TMCO5A: variants seen among roughly 807,000 people sequenced by gnomAD.
TMCO5A encodes the protein transmembrane and coiled-coil domain-containing protein 5A.
In TMCO5A, 34 loss-of-function variants were observed where a neutral mutation model predicts 42.3. The ratio of observed to expected loss-of-function variants is 0.80; its 90% CI spans 0.61 to 1.07. The LOEUF (loss-of-function observed/expected upper bound fraction) is 1.07. TMCO5A is among the 50% of genes least tolerant of loss of function. The pLI, the probability that TMCO5A is intolerant of heterozygous loss-of-function variation, is 0.00. For synonymous variants in TMCO5A, 131 were observed against 115.6 expected (o/e 1.13, Z -0.86); for missense variants, 357 against 327.9 (o/e 1.09, Z -0.69).
downstream of TMCO5A, among the ~76,000 whole-genome samples, chr15:37,956,221 C>T (rs1200144037): frequency 6.6e-6 from 1 of 152,000 alleles, no homozygotes; most frequent in African/African-American, 2.4e-5. Flanking sequence ...CAAAAGCTAG[C>T]AGAAGGCAAG....
chr15:38,001,579 C>A, the TMCO5A span, among the ~76,000 whole-genome samples: 170 of 151,392 alleles, frequency 1.1e-3, no homozygotes, highest in African/African-American at 3.7e-3. Flanking sequence ...TTGTGGTCTT[C>A]TCTTCCTTCT....
At chr15:38,005,153 C>A in the TMCO5A span, among the ~76,000 whole-genome samples, 10 of 151,522 alleles carry the variant, frequency 6.6e-5, no homozygotes, top group South Asian at 6.3e-4. Context: ...TCTTAATCAA[C>A]CTTTATTCCT....
intron 6 of TMCO5A, 50 bp downstream of exon 6, chr15:37,938,279 ACAAG>A: frequency 1.4e-6 from 2 of 1,438,160 alleles, no homozygotes. Context: ...TAACCAGGAA[ACAAG>A]CTGTTAAGTT....
chr15:37,973,945 T>C, the TMCO5A span, among the ~76,000 whole-genome samples: 3 of 152,188 alleles, frequency 2.0e-5, no homozygotes, highest in African/African-American at 4.8e-5. Context: ...CTTCATTGCC[T>C]AGTGTATCAA....
chr15:37,953,031 C>T (rs776567606), downstream of TMCO5A, among the ~76,000 whole-genome samples: 1 of 152,152 alleles, frequency 6.6e-6, no homozygotes, highest in Non-Finnish European at 1.5e-5. Flanking sequence ...GGTTTGAATG[C>T]TACCTTATCT....
At chr15:37,981,057 C>T in the TMCO5A span, among the ~76,000 whole-genome samples, 7 of 152,046 alleles carry the variant, frequency 4.6e-5, no homozygotes, top group South Asian at 8.3e-4. Flanking sequence ...CCACTGCCAG[C>T]TTAAAATCCA....
At chr15:38,038,099 C>T in the TMCO5A span, among the ~76,000 whole-genome samples, 65 of 152,066 alleles carry the variant, frequency 4.3e-4, no homozygotes, top group Non-Finnish European at 9.0e-4. Context: ...CCTCACCATC[C>T]TATTTGCTCC....
chr15:37,984,986 A>T, the TMCO5A span, among the ~76,000 whole-genome samples: 1 of 151,896 alleles, frequency 6.6e-6, no homozygotes, highest in South Asian at 2.1e-4. Flanking sequence ...AGATAAACAA[A>T]TAGCCATTAG....
the TMCO5A span, among the ~76,000 whole-genome samples, chr15:38,012,102 T>C: frequency 0.72 from 108,317 of 151,358 alleles, 39,798 homozygotes; most frequent in African/African-American, 0.87. Flanking sequence ...CCACCCTAGG[T>C]GACAGAGCGA....
At chr15:37,947,362 T>A (rs12442232) in intron 10 of TMCO5A, among the ~76,000 whole-genome samples, 42,228 of 151,832 alleles carry the variant, frequency 0.28, 6,755 homozygotes, top group African/African-American at 0.42. Flanking sequence ...GGAGTCAGAG[T>A]ATCCAGGTTC....
chr15:37,999,349 A>G, the TMCO5A span, among the ~76,000 whole-genome samples: 3 of 152,342 alleles, frequency 2.0e-5, no homozygotes, highest in African/African-American at 7.2e-5. Flanking sequence ...GTTGGCATAT[A>G]GAAATGCTAC....
chr15:38,034,070 G>A, the TMCO5A span, among the ~76,000 whole-genome samples: 5 of 152,264 alleles, frequency 3.3e-5, no homozygotes, highest in South Asian at 2.1e-4. Context: ...TGGAAGTTGC[G>A]TTCTGTTTCT....
chr15:37,936,201 C>A, intron 2 of TMCO5A, 113 bp from the exon 3 acceptor site: 2 of 1,230,024 alleles, frequency 1.6e-6, no homozygotes, highest in East Asian at 2.6e-5. Flanking sequence ...ATGGTATGCC[C>A]CCAGAGAGAG....
At chr15:38,030,617 G>A in the TMCO5A span, among the ~76,000 whole-genome samples, 1 of 152,066 alleles carries the variant, frequency 6.6e-6, no homozygotes, top group African/African-American at 2.4e-5. Flanking sequence ...AAACTCCTTA[G>A]CAAGAATAAA....
intron 10 of TMCO5A, chr15:37,943,932 G>C (rs1287186987): frequency 6.6e-6 from 1 of 152,312 alleles, no homozygotes. Context: ...CACATGTAAA[G>C]GTCTGAAGGA....
At chr15:37,976,789 CTTTCT>C in the TMCO5A span, among the ~76,000 whole-genome samples, 4 of 131,052 alleles carry the variant, frequency 3.1e-5, no homozygotes, top group African/African-American at 6.0e-5. Flanking sequence ...TCTTTTTCTT[CTTTCT>C]TTTTTTTTTT....
At chr15:37,992,890 C>A in the TMCO5A span, among the ~76,000 whole-genome samples, 6 of 152,088 alleles carry the variant, frequency 3.9e-5, no homozygotes, top group Non-Finnish European at 5.9e-5. Context: ...AAACAAATAA[C>A]TATTTTGTAC....
chr15:37,938,137 A>AT, intron 5 of TMCO5A, 21 bp from the exon 6 acceptor site: 2 of 1,551,156 alleles, frequency 1.3e-6, no homozygotes, highest in Non-Finnish European at 1.7e-6. Flanking sequence ...AATTTAGTAT[A>AT]TTTTTTATTT....
At chr15:37,967,636 T>C (rs1047959511) in exon 12 of TMCO5A, 1 of 152,168 alleles carries the variant, frequency 6.6e-6, no homozygotes, top group Non-Finnish European at 1.5e-5. Context: ...AAACAGAAAT[T>C]CTTGTCACAT....
Sources: gnomAD v4.1 joint callset for allele counts (sites outside exome capture counted in the v4.1 genomes callset) on GRCh38, gnomAD v4.1.1 for gene constraint, MANE v1.5 for transcripts, NCBI Gene and HGNC (gene_info 2026-07-23, HGNC 2026-07-21) for gene names.